Variants in GALNT13 observed in about 807,000 individuals in gnomAD.
GALNT13 encodes polypeptide N-acetylgalactosaminyltransferase 13.
A neutral mutation model predicts 64.2 loss-of-function variants in GALNT13; 28 were observed. The observed-to-expected ratio is 0.44, with a 90% confidence interval of 0.32 to 0.60. The LOEUF is 0.60. GALNT13 is among the 20% of genes least tolerant of loss of function. The pLI is 0.05. For missense variants in GALNT13, 577 were observed against 669.8 expected, an observed-to-expected ratio of 0.86 and a Z score of 1.53; for synonymous variants, 214 against 224.6, an observed-to-expected ratio of 0.95 and a Z score of 0.42.
At chr2:154,145,070 C>CTATCTATCTA (rs1553484399) in intron 4 of GALNT13, among the ~76,000 whole-genome samples, 1 of 136,234 alleles carries the variant, frequency 7.3e-6, no homozygotes, top group Non-Finnish European at 1.6e-5. Flanking sequence ...CTCTCTCTCT[C>CTATCTATCTA]TCTATCTATC....
rs540957477 is a variant in GALNT13 at position 154,271,720 on chromosome 2, G to T, written c.975+12582G>T. ...ATCTAACCAATCATGAATACTATCTGTTTATTTTATTCATCTATATATATA... is the reference window on the plus strand; with the variant it reads ...ATCTAACCAATCATGAATACTATCTTTTTATTTTATTCATCTATATATATA... On this transcript the variant is annotated intron_variant, in intron 8 of 12. Transcript: ENST00000392825. Among the ~76,000 whole-genome samples the T allele has an allele frequency of 1.1e-4, 16 of 151,852 alleles. No individual in the cohort carries two copies. In the South Asian group the frequency reaches 2.5e-3, roughly 24 times the overall value.
the GALNT13 span, among the ~76,000 whole-genome samples, chr2:153,329,875 T>C: frequency 0.011 from 1,697 of 152,302 alleles, 34 homozygotes; most frequent in African/African-American, 0.039. Flanking sequence ...GAATGGCGTT[T>C]CCTGGGTTTT....
At chr2:153,322,914 T>C in the GALNT13 span, among the ~76,000 whole-genome samples, 143 of 152,344 alleles carry the variant, frequency 9.4e-4, 1 homozygote, top group African/African-American at 3.4e-3. Context: ...GGCATCTGGG[T>C]TGGTTCCAAG....
rs573502701 is a variant in GALNT13, at chr2:154,391,121, G to A, written c.1157-4870G>A. 1.2e-4 allele frequency among the ~76,000 whole-genome samples: 18 copies of A among 152,238 alleles called. No individual in the cohort carries two copies. The South Asian group carries it at 3.5e-3, about 30-fold the overall frequency. On this transcript the variant is annotated intron_variant, in intron 9 of 12. Transcript: ENST00000392825. ...GGATTTATCTTACTTCTATATTGGT[G>A]TCACTTTCATAGGCCTTTGTTGTAT...
At chr2:153,385,449 C>A in the GALNT13 span, among the ~76,000 whole-genome samples, 2 of 151,984 alleles carry the variant, frequency 1.3e-5, no homozygotes, top group African/African-American at 4.8e-5. Flanking sequence ...AGACAAACAT[C>A]ACATGTTCTC....
intron 7 of GALNT13, among the ~76,000 whole-genome samples, chr2:154,255,953 T>C (rs1462120056): frequency 2.6e-5 from 4 of 151,906 alleles, no homozygotes; most frequent in African/African-American, 9.7e-5. Context: ...TTCTGGAGGC[T>C]GAGGTGGGAG....
chr2:154,298,284 TAAAC>T (rs1438810764), intron 8 of GALNT13, among the ~76,000 whole-genome samples: 1 of 150,486 alleles, frequency 6.6e-6, no homozygotes, highest in Non-Finnish European at 1.5e-5. Context: ...GCTACATAAA[TAAAC>T]AGTATTTTTT....
chr2:153,129,893 T>C, the GALNT13 span, among the ~76,000 whole-genome samples: 1 of 152,110 alleles, frequency 6.6e-6, no homozygotes, highest in Non-Finnish European at 1.5e-5. Context: ...ACACATACAA[T>C]TAGGATTAGA....
intron 9 of GALNT13, among the ~76,000 whole-genome samples, chr2:154,387,535 A>G (rs112857582): frequency 7.6e-6 from 1 of 131,580 alleles, no homozygotes; most frequent in Non-Finnish European, 1.6e-5. Context: ...TGTTTCTCCT[A>G]TCTGAAATTT....
intron 8 of GALNT13, among the ~76,000 whole-genome samples, chr2:154,286,271 C>T (rs1336884172): frequency 6.6e-6 from 1 of 152,178 alleles, no homozygotes; most frequent in Non-Finnish European, 1.5e-5. Context: ...ACAGGACAAG[C>T]TTTCAGCATT....
intron 9 of GALNT13, among the ~76,000 whole-genome samples, chr2:154,353,906 A>G (rs562072983): frequency 1.9e-4 from 29 of 152,268 alleles, no homozygotes; most frequent in Admixed American, 5.9e-4. Flanking sequence ...TGGTGATTTC[A>G]TCTCCTTCAG....
chr2:153,412,376 A>T, the GALNT13 span, among the ~76,000 whole-genome samples: 2 of 152,130 alleles, frequency 1.3e-5, no homozygotes, highest in African/African-American at 4.8e-5. Flanking sequence ...TAAAAGAAAA[A>T]CATGAAAACA....
At chr2:154,025,125 G>A (rs1697853039) in intron 3 of GALNT13, among the ~76,000 whole-genome samples, 2 of 152,162 alleles carry the variant, frequency 1.3e-5, no homozygotes, top group Non-Finnish European at 1.5e-5. Flanking sequence ...CTCCCAGTTA[G>A]GCTACTCGGG....
the GALNT13 span, among the ~76,000 whole-genome samples, chr2:153,434,307 T>C: frequency 6.6e-6 from 1 of 152,214 alleles, no homozygotes; most frequent in Non-Finnish European, 1.5e-5. Context: ...CATGTGTCTT[T>C]ATAGCAGCAT....
intron 9 of GALNT13, among the ~76,000 whole-genome samples, chr2:154,348,298 C>A (rs765790996): frequency 3.6e-4 from 55 of 151,756 alleles, no homozygotes; most frequent in Admixed American, 1.3e-3. Flanking sequence ...AAGAACCTAC[C>A]CAAATGAATG....
At chr2:153,294,111 C>T in the GALNT13 span, among the ~76,000 whole-genome samples, 310 of 147,538 alleles carry the variant, frequency 2.1e-3, 2 homozygotes, top group African/African-American at 7.3e-3. Flanking sequence ...GCATGAGCCA[C>T]TGCACCTGGC....
At chr2:154,128,655 T>G (rs1682436434) in intron 3 of GALNT13, among the ~76,000 whole-genome samples, 1 of 152,076 alleles carries the variant, frequency 6.6e-6, no homozygotes, top group Admixed American at 6.6e-5. Flanking sequence ...AGGCGGGTAG[T>G]GATTAGATAT....
At chr2:153,744,151 T>A in the GALNT13 span, among the ~76,000 whole-genome samples, 3 of 152,204 alleles carry the variant, frequency 2.0e-5, no homozygotes, top group Admixed American at 2.0e-4. Context: ...AGTATAGCCA[T>A]CTATTCAATA....
intron 9 of GALNT13, among the ~76,000 whole-genome samples, chr2:154,344,668 C>T (rs1357008298): frequency 6.6e-6 from 1 of 151,824 alleles, no homozygotes; most frequent in African/African-American, 2.4e-5. Flanking sequence ...GTTTTTGTTC[C>T]CTTTAAATGA....
Sources: allele counts gnomAD v4.1 joint callset (sites outside exome capture counted in the v4.1 genomes callset), GRCh38; gene constraint gnomAD v4.1.1; transcripts MANE v1.5; gene names NCBI Gene and HGNC (gene_info 2026-07-23, HGNC 2026-07-21).